The following PPP2R5C variants were observed in gnomAD, a reference collection of about 807,000 sequenced individuals.
PPP2R5C encodes the protein serine/threonine-protein phosphatase 2A 56 kDa regulatory subunit gamma isoform.
In PPP2R5C, 7 loss-of-function variants were observed where a neutral mutation model predicts 68.9. The observed-to-expected ratio is 0.10, with a 90% CI of 0.06 to 0.19. PPP2R5C has a LOEUF of 0.19. PPP2R5C is among the 10% of genes least tolerant of loss of function. PPP2R5C has a pLI of 1.00. For missense variants in PPP2R5C, 348 were observed against 641.3 expected, an observed-to-expected ratio of 0.54 and a Z score of 4.94; for synonymous variants, 210 against 222.2, an observed-to-expected ratio of 0.95 and a Z score of 0.49.
chr14:101,825,004 C>T lies in PPP2R5C; in HGVS notation c.94+14968C>T, dbSNP rs2140296514. ...ATGTCAAAAGGGTGTAAGTAGCATC[C>T]CTTTATGACTGATGAAAGGAGAGCA... is the stretch of plus-strand genomic sequence containing the variant. On this transcript the variant is annotated intron_variant, in intron 1 of 13. Transcript: ENST00000334743. The surrounding 1 kb of genome is among the most constrained non-coding windows in gnomAD (Gnocchi z 4.0). 1 of 152,300 alleles carries T rather than the reference C, an allele frequency of 6.6e-6. No homozygotes were observed. Among genetic ancestry groups the T allele is most frequent in the African/African-American group, 2.4e-5 (1 of 41,502 alleles). 9.4% of individuals were successfully genotyped at this position (152,300 alleles called of 1,614,324 possible).
chr14:101,911,937 G>T (rs923970838), intron 11 of PPP2R5C, among the ~76,000 whole-genome samples: 1 of 151,556 alleles, frequency 6.6e-6, no homozygotes, highest in Non-Finnish European at 1.5e-5. Flanking sequence ...CATGTGACTC[G>T]CAGTGGAGTC....
intron 2 of PPP2R5C, among the ~76,000 whole-genome samples, chr14:101,878,670 G>A (rs1366853941): frequency 6.6e-6 from 1 of 152,214 alleles, no homozygotes; most frequent in Non-Finnish European, 1.5e-5. Flanking sequence ...ACTTGGCCGT[G>A]GTGGACACTG....
chr14:101,834,936 G>A (rs2040987703), intron 1 of PPP2R5C, among the ~76,000 whole-genome samples: 1 of 152,196 alleles, frequency 6.6e-6, no homozygotes, highest in African/African-American at 2.4e-5. Flanking sequence ...AGAAGGTCTG[G>A]CCAGACTTTA....
At chr14:101,815,931 A>G (rs957767580) in intron 1 of PPP2R5C, among the ~76,000 whole-genome samples, 4 of 152,160 alleles carry the variant, frequency 2.6e-5, no homozygotes, top group Non-Finnish European at 5.9e-5. Flanking sequence ...TGGCCTCCCA[A>G]AGTACTGGGA....
In PPP2R5C at chr14:101,882,435, GT is replaced by G; in HGVS notation, c.405+166del. 1 of 519,368 alleles carries G rather than the reference GT, an allele frequency of 1.9e-6. No individual in the cohort carries two copies. The highest frequency in any genetic ancestry group is 3.8e-5 in the Admixed American group (1 of 26,628). The allele number at this position is 519,368 out of a possible 1,614,324, so 32.2% of individuals were successfully genotyped here. On this transcript the variant is annotated intron_variant, in intron 3 of 13. Coordinates refer to ENST00000334743, the Ensembl canonical transcript of PPP2R5C. This position sits in a 1 kb window ranked among gnomAD's most constrained non-coding sequence, Gnocchi z 4.9. ...AAGAAAAATATTTCAGCAGAATAAA[GT>G]TAATGTGTGTGTTTGACCACTTTAC... is the stretch of plus-strand genomic sequence containing the variant.
chr14:101,854,117 C>G (rs2042293608), intron 1 of PPP2R5C, among the ~76,000 whole-genome samples: 2 of 152,152 alleles, frequency 1.3e-5, no homozygotes, highest in African/African-American at 4.8e-5. Flanking sequence ...GCTGTAATGA[C>G]AGTTACTCGT....
At position 101,888,540 on chromosome 14, in the gene PPP2R5C, C is replaced by G. The variant is rs1450888829; in HGVS notation, c.630-1697C>G. Among the ~76,000 whole-genome samples, 2 of 152,110 alleles carry G rather than the reference C, an allele frequency of 1.3e-5. No individual in the cohort carries two copies. Among genetic ancestry groups the G allele is most frequent in the Non-Finnish European group, 2.9e-5 (2 of 68,016 alleles). ...GGTCTCCCTGCTAAAGGTTCTGCTT[C>G]CTGGTTCCTGCAAGAGCAGATCTCA... On this transcript the variant is annotated intron_variant, in intron 5 of 13. Transcript: ENST00000334743. The surrounding 1 kb of genome is among the most constrained non-coding windows in gnomAD (Gnocchi z 5.6).
chr14:101,900,745 C>G (rs1398890876), intron 8 of PPP2R5C, among the ~76,000 whole-genome samples: 2 of 152,246 alleles, frequency 1.3e-5, no homozygotes, highest in Non-Finnish European at 2.9e-5. Context: ...TTCTAGCTGT[C>G]TGACTTGGCC....
chr14:101,857,695 C>A (rs1247159071), intron 2 of PPP2R5C, among the ~76,000 whole-genome samples: 1 of 152,198 alleles, frequency 6.6e-6, no homozygotes, highest in Non-Finnish European at 1.5e-5. Context: ...ACGCTGAAAT[C>A]CAGTTTTCTG....
upstream of PPP2R5C, among the ~76,000 whole-genome samples, chr14:101,807,734 A>G (rs1334156224): frequency 3.3e-5 from 5 of 152,052 alleles, no homozygotes; most frequent in African/African-American, 4.8e-5. Flanking sequence ...ACTTACATGC[A>G]TAGGGTTTCA....
chr14:101,815,751 C>G (rs966116370), intron 1 of PPP2R5C, among the ~76,000 whole-genome samples: 1 of 152,198 alleles, frequency 6.6e-6, no homozygotes, highest in Non-Finnish European at 1.5e-5. Context: ...CTCACTGCAA[C>G]CTCTGCCTCC....
chr14:101,763,034 CGA>C (rs2036636826), intron 2 of PPP2R5C, 64 bp downstream of exon 2: 1 of 1,380,732 alleles, frequency 7.2e-7, no homozygotes, highest in South Asian at 1.3e-5. Flanking sequence ...GTAGAAAAAC[CGA>C]GAGTGATAAA....
intron 2 of PPP2R5C, chr14:101,766,124 G>T (rs1053574192): frequency 6.6e-6 from 1 of 152,196 alleles, no homozygotes; most frequent in Admixed American, 6.5e-5. Flanking sequence ...GTATATGGCA[G>T]GTCTGTATAA....
At chr14:101,787,721 C>A (rs970291742) in intron 3 of PPP2R5C, among the ~76,000 whole-genome samples, 7 of 142,662 alleles carry the variant, frequency 4.9e-5, no homozygotes, top group Non-Finnish European at 1.0e-4. Context: ...GAGCTGAGAT[C>A]GTGCCACTGC....
intron 2 of PPP2R5C, among the ~76,000 whole-genome samples, chr14:101,872,745 G>A (rs1355732311): frequency 6.6e-6 from 1 of 152,068 alleles, no homozygotes; most frequent in Non-Finnish European, 1.5e-5. Flanking sequence ...ATTATGATGG[G>A]CCTTGGCATG....
chr14:101,878,793 T>C (rs1301295007), intron 2 of PPP2R5C, among the ~76,000 whole-genome samples: 1 of 152,200 alleles, frequency 6.6e-6, no homozygotes, highest in Non-Finnish European at 1.5e-5. Context: ...TGAAGTCCAT[T>C]GATTATAGGT....
At chr14:101,832,794 C>T (rs2040828169) in intron 1 of PPP2R5C, among the ~76,000 whole-genome samples, 1 of 152,182 alleles carries the variant, frequency 6.6e-6, no homozygotes, top group Admixed American at 6.5e-5. Flanking sequence ...CCAGTCTTTG[C>T]GTGTCATGCC....
intron 3 of PPP2R5C, chr14:101,789,614 A>G (rs2038271083): frequency 6.6e-6 from 1 of 152,182 alleles, no homozygotes; most frequent in South Asian, 2.1e-4. Context: ...TTGCTTCCGT[A>G]TTTACTACAT....
rs936565438 is a variant in PPP2R5C, at chr14:101,888,223, G to A, written c.630-2014G>A. On this transcript the variant is annotated intron_variant, in intron 5 of 13. Coordinates refer to ENST00000334743, the Ensembl canonical transcript of PPP2R5C. This position sits in a 1 kb window ranked among gnomAD's most constrained non-coding sequence, Gnocchi z 5.6. ...GATCACAGCTCTCCAAGGTCCATGCGAGAGGAATAGTAAACTGAAGCCACA... is the reference window on the plus strand; with the variant it reads ...GATCACAGCTCTCCAAGGTCCATGCAAGAGGAATAGTAAACTGAAGCCACA... Among the ~76,000 whole-genome samples the A allele has an allele frequency of 2.0e-5, 3 of 152,066 alleles. No homozygotes were observed. The highest frequency in any genetic ancestry group is 6.5e-5 in the Admixed American group (1 of 15,270).
Sources: gnomAD v4.1 joint callset for allele counts (sites outside exome capture counted in the v4.1 genomes callset) on GRCh38, gnomAD v4.1.1 for gene constraint, Gnocchi (gnomAD v3.1) non-coding constraint, MANE v1.5 for transcripts, NCBI Gene and HGNC (gene_info 2026-07-23, HGNC 2026-07-21) for gene names.